STK33: variants seen among roughly 807,000 people sequenced by gnomAD.
STK33 encodes serine/threonine kinase 33.
STK33 carries 52 observed loss-of-function variants against 58.0 expected under a neutral mutation model. The observed-to-expected ratio is 0.90, with a 90% CI of 0.72 to 1.13. The LOEUF is 1.13. Among genes scored for constraint, STK33 ranks in the 50% most tolerant of loss-of-function variants. The pLI is 0.00. For synonymous variants in STK33, 215 were observed against 200.1 expected, an observed-to-expected ratio of 1.07 and a Z score of -0.63; for missense variants, 630 against 604.2, an observed-to-expected ratio of 1.04 and a Z score of -0.45.
At chr11:8,492,601 T>A (rs180996587) in intron 1 of STK33, among the ~76,000 whole-genome samples, 1 of 152,270 alleles carries the variant, frequency 6.6e-6, no homozygotes, top group African/African-American at 2.4e-5. Flanking sequence ...GCCAACTAAA[T>A]AGTCATCTAC....
At chr11:8,586,889 G>A (rs976588485) in intron 1 of STK33, among the ~76,000 whole-genome samples, 6 of 148,296 alleles carry the variant, frequency 4.0e-5, no homozygotes, top group South Asian at 2.1e-4. Flanking sequence ...TTATGAGCTC[G>A]ACATGGAGTG....
the STK33 span, among the ~76,000 whole-genome samples, chr11:8,367,030 T>C: frequency 2.0e-5 from 3 of 152,262 alleles, no homozygotes; most frequent in Non-Finnish European, 4.4e-5. Flanking sequence ...ATCCATGCCA[T>C]GTGTGTACAT....
chr11:8,360,103 G>A, the STK33 span, among the ~76,000 whole-genome samples: 24 of 152,240 alleles, frequency 1.6e-4, no homozygotes, highest in Non-Finnish European at 2.8e-4. Flanking sequence ...GTCCCAGTCT[G>A]TTCCTGGCTG....
the STK33 span, among the ~76,000 whole-genome samples, chr11:8,349,844 T>TTC: frequency 6.6e-6 from 1 of 152,228 alleles, no homozygotes; most frequent in African/African-American, 2.4e-5. Flanking sequence ...CTTCTTCCCC[T>TTC]TCTCTGTCCT....
At chr11:8,419,174 G>C (rs1941559932) in intron 14 of STK33, among the ~76,000 whole-genome samples, 2 of 152,118 alleles carry the variant, frequency 1.3e-5, no homozygotes, top group Non-Finnish European at 2.9e-5. Context: ...TGTCCAGAAT[G>C]GTGTTGCCTA....
chr11:8,559,868 T>A (rs113829497), intron 1 of STK33, among the ~76,000 whole-genome samples: 1 of 152,138 alleles, frequency 6.6e-6, no homozygotes, highest in African/African-American at 2.4e-5. Context: ...ATAAATCACA[T>A]ATGGTTGTAA....
intron 15 of STK33, among the ~76,000 whole-genome samples, chr11:8,413,223 A>T (rs193122748): frequency 2.3e-3 from 350 of 152,330 alleles, no homozygotes; most frequent in African/African-American, 8.0e-3. Flanking sequence ...AAAGACTACT[A>T]GGGCCCACAA....
chr11:8,443,898 T>C (rs772939100), intron 11 of STK33, among the ~76,000 whole-genome samples: 4 of 152,122 alleles, frequency 2.6e-5, no homozygotes, highest in Non-Finnish European at 5.9e-5. Flanking sequence ...TCCTGGCTCC[T>C]GGGGAGGCTG....
chr11:8,474,977 G>T lies in STK33; in HGVS notation c.-72C>A. 1.4e-6 allele frequency: 2 copies of T among 1,402,434 alleles called. No homozygotes were observed. The highest frequency in any genetic ancestry group is 1.9e-6 in the Non-Finnish European group (2 of 1,038,670). The allele number at this position is 1,402,434 out of a possible 1,614,324, so 86.9% of individuals were successfully genotyped here. A position where few individuals can be genotyped will look rare whatever the true frequency, so the allele number is the denominator to read the frequency against. The stretch of plus-strand genomic sequence containing the variant: ...TTGAGGAAGAAAACCAGGCCAAAAA[G>T]GATAAGGTAGTTGATGGTGAAAACT... On this transcript the variant is annotated 5_prime_UTR_variant, in exon 5 of 16. Coordinates refer to ENST00000687296, the MANE Select transcript of STK33 (RefSeq NM_001352389.2).
intron 1 of STK33, among the ~76,000 whole-genome samples, chr11:8,496,461 T>G (rs932238714): frequency 6.6e-6 from 1 of 152,228 alleles, no homozygotes; most frequent in African/African-American, 2.4e-5. Context: ...GAAGGTACTT[T>G]ACAAAATTTA....
the STK33 span, among the ~76,000 whole-genome samples, chr11:8,340,712 C>T: frequency 1.3e-5 from 2 of 152,196 alleles, no homozygotes; most frequent in Admixed American, 6.5e-5. Context: ...ATGACACATG[C>T]AGCAGGGCCC....
chr11:8,364,634 G>A, the STK33 span, among the ~76,000 whole-genome samples: 4 of 152,200 alleles, frequency 2.6e-5, no homozygotes, highest in Admixed American at 6.5e-5. Context: ...ACCTTGTTGA[G>A]AGACTGAAAC....
In STK33 at chr11:8,435,597, A is replaced by G; in HGVS notation, c.1061-18T>C. 1 of 1,413,670 alleles carries G rather than the reference A, an allele frequency of 7.1e-7. No individual in the cohort carries two copies. The highest frequency in any genetic ancestry group is 1.6e-5 in the South Asian group (1 of 63,476). 87.6% of individuals were successfully genotyped at this position (1,413,670 alleles called of 1,614,324 possible). On this transcript the variant is annotated intron_variant, in intron 13 of 15. Coordinates refer to ENST00000687296, the MANE Select transcript of STK33 (RefSeq NM_001352389.2). ...ACTTTTAGCTAAAAATAAGAAAAAAATCCTGAAAAATCTTATTTAACTACA... is the reference window on the plus strand; with the variant it reads ...ACTTTTAGCTAAAAATAAGAAAAAAGTCCTGAAAAATCTTATTTAACTACA...
Position 8,457,387 on chromosome 11 carries a change from C to G in STK33, c.651G>C (p.Trp217Cys), listed in dbSNP as rs766616199. 1.2e-6 allele frequency: 2 copies of G among 1,606,010 alleles called. No individual in the cohort carries two copies. Among genetic ancestry groups the G allele is most frequent in the South Asian group, 2.2e-5 (2 of 89,930 alleles). Residue 217 changes from tryptophan (W) to cysteine (C), a missense_variant, in exon 9 of 16, where the codon TGG becomes TGC. Physicochemically the swap from Trp to Cys is radical, Grantham distance 215. Coordinates refer to ENST00000687296, the MANE Select transcript of STK33 (RefSeq NM_001352389.2). Reference sequence around the variant, plus strand: ...TAGCTGATGCGAGACTTTGAATGATCCACCTTGTCTCATTCTCTGAGAAAT... The same window carrying G: ...TAGCTGATGCGAGACTTTGAATGATGCACCTTGTCTCATTCTCTGAGAAAT... ...KGHFSENETR[W>C]IIQSLASAIA...
intron 1 of STK33, among the ~76,000 whole-genome samples, chr11:8,492,988 GA>G (rs1950749545): frequency 6.6e-6 from 1 of 152,140 alleles, no homozygotes; most frequent in South Asian, 2.1e-4. Context: ...GCCCACAAGA[GA>G]AAGCAGGAAA....
chr11:8,476,330 T>C (rs1038457304), intron 4 of STK33, among the ~76,000 whole-genome samples: 3 of 152,196 alleles, frequency 2.0e-5, no homozygotes, highest in Admixed American at 2.0e-4. Context: ...ATATACTAAG[T>C]GTGCAGTCAA....
At chr11:8,382,592 C>T in the STK33 span, among the ~76,000 whole-genome samples, 1 of 152,262 alleles carries the variant, frequency 6.6e-6, no homozygotes, top group Non-Finnish European at 1.5e-5. Context: ...GGGCGGGAGG[C>T]GTGGGGACAT....
rs144575904 is a variant in STK33 at position 8,440,730 on chromosome 11, C to T, written c.895G>A (p.Asp299Asn). 11 of 1,569,716 alleles carry T rather than the reference C, an allele frequency of 7.0e-6. No homozygotes were observed. The highest frequency in any genetic ancestry group is 1.3e-5 in the African/African-American group (1 of 74,124). Residue 299 changes from aspartate (D) to asparagine (N), a missense_variant, in exon 12 of 16, where the codon GAC becomes AAC. By Grantham distance (23) the Asp-to-Asn change is conservative. Coordinates refer to ENST00000687296, the MANE Select transcript of STK33 (RefSeq NM_001352389.2). ...YMAPEVISAH[D>N]YSQQCDIWSI... ...CAAATGTCACACTGCTGGCTATAGT[C>T]GTGGGCACTGATAACTTCAGGGGCT...
intron 14 of STK33, among the ~76,000 whole-genome samples, chr11:8,434,539 C>A (rs985421533): frequency 6.6e-6 from 1 of 152,068 alleles, no homozygotes; most frequent in African/African-American, 2.4e-5. Context: ...CACACTATAT[C>A]GTAAAGATGA....
Sources: allele counts gnomAD v4.1 joint callset (sites outside exome capture counted in the v4.1 genomes callset), GRCh38; gene constraint gnomAD v4.1.1; transcripts MANE v1.5; gene names NCBI Gene and HGNC (gene_info 2026-07-23, HGNC 2026-07-21).